The following PTPRD variants were observed in gnomAD, a reference collection of about 807,000 sequenced individuals.
PTPRD encodes the protein protein tyrosine phosphatase receptor type D.
A neutral mutation model predicts 214.5 loss-of-function variants in PTPRD; 34 were observed. The observed-to-expected ratio is 0.16, with a 90% CI of 0.12 to 0.21. The LOEUF (loss-of-function observed/expected upper bound fraction) is 0.21, where lower values mean the gene tolerates loss of function less well. Ranked by LOEUF, PTPRD falls within the 10% of genes least tolerant of loss-of-function variation. The pLI is 1.00. For missense variants in PTPRD, 2,545 were observed against 2,398.7 expected (o/e 1.06, Z -1.27); for synonymous variants, 1,128 against 845.7 (o/e 1.33, Z -5.79).
At chr9:10,101,820 A>C (rs575657166) in intron 3 of PTPRD, among the ~76,000 whole-genome samples, 1 of 151,852 alleles carries the variant, frequency 6.6e-6, no homozygotes, top group African/African-American at 2.4e-5. Context: ...ATTAGAGGCC[A>C]CACATTACAT....
intron 9 of PTPRD, among the ~76,000 whole-genome samples, chr9:9,315,267 G>C (rs1356510136): frequency 2.6e-5 from 4 of 151,760 alleles, no homozygotes; most frequent in Admixed American, 6.6e-5. Flanking sequence ...TCTCGTATTT[G>C]ATATACAGCT....
intron 10 of PTPRD, among the ~76,000 whole-genome samples, chr9:9,086,846 A>C (rs1408049956): frequency 6.6e-6 from 1 of 152,210 alleles, no homozygotes; most frequent in Non-Finnish European, 1.5e-5. Flanking sequence ...GTGAAACAAA[A>C]AAGTTGACCA....
At chr9:9,294,037 C>A (rs898782528) in intron 9 of PTPRD, among the ~76,000 whole-genome samples, 3 of 151,582 alleles carry the variant, frequency 2.0e-5, no homozygotes, top group Non-Finnish European at 4.4e-5. Flanking sequence ...ACCTGTGATA[C>A]TGCCACAGTT....
intron 12 of PTPRD, among the ~76,000 whole-genome samples, chr9:8,686,078 G>C (rs1218599148): frequency 6.6e-6 from 1 of 152,182 alleles, no homozygotes; most frequent in Admixed American, 6.5e-5. Context: ...CTGAAAGCAA[G>C]CAGAAACTAT....
At chr9:9,240,750 G>C in intron 9 of PTPRD, among the ~76,000 whole-genome samples, 1 of 152,048 alleles carries the variant, frequency 6.6e-6, no homozygotes, top group East Asian at 1.9e-4. Flanking sequence ...AAAATTCCTA[G>C]AAGTCTATAC....
chr9:9,543,740 G>A (rs553675820), intron 8 of PTPRD, among the ~76,000 whole-genome samples: 40 of 151,622 alleles, frequency 2.6e-4, no homozygotes, highest in African/African-American at 8.0e-4. Context: ...ATGAATTTTC[G>A]TTCTAGGCTA....
chr9:9,633,613 T>A (rs1265266937), intron 7 of PTPRD, among the ~76,000 whole-genome samples: 1 of 152,174 alleles, frequency 6.6e-6, no homozygotes. Flanking sequence ...CTCCCTCAGC[T>A]CAGTCTGGTT....
At chr9:10,531,211 A>C (rs188023351) in intron 2 of PTPRD, among the ~76,000 whole-genome samples, 2 of 152,246 alleles carry the variant, frequency 1.3e-5, no homozygotes, top group Admixed American at 1.3e-4. Flanking sequence ...CAGTCTCCCA[A>C]ATGGCTGGGA....
At chr9:9,690,826 C>G (rs2097257119) in intron 7 of PTPRD, among the ~76,000 whole-genome samples, 1 of 151,772 alleles carries the variant, frequency 6.6e-6, no homozygotes, top group Non-Finnish European at 1.5e-5. Context: ...GTGTATGTGT[C>G]TTCTTTTATG....
intron 7 of PTPRD, among the ~76,000 whole-genome samples, chr9:9,609,074 C>G (rs2094361967): frequency 6.6e-6 from 1 of 151,996 alleles, no homozygotes. Context: ...ATCTGTGAGT[C>G]TATATTGCTT....
intron 11 of PTPRD, among the ~76,000 whole-genome samples, chr9:8,867,921 C>G: frequency 6.6e-6 from 1 of 152,092 alleles, no homozygotes; most frequent in Non-Finnish European, 1.5e-5. Context: ...TTCTAGATTA[C>G]ATTGTTGTTG....
chr9:10,231,987 A>AGTGTGTGTGTGTGTGTGT (rs1352673296), intron 3 of PTPRD, among the ~76,000 whole-genome samples: 2 of 97,724 alleles, frequency 2.0e-5, no homozygotes, highest in Non-Finnish European at 3.9e-5. Flanking sequence ...AGAGAGAGAG[A>AGTGTGTGTGTGTGTGTGT]GAGTGTGTGT....
chr9:10,144,362 G>T (rs2099008211), intron 3 of PTPRD, among the ~76,000 whole-genome samples: 1 of 152,080 alleles, frequency 6.6e-6, no homozygotes, highest in Non-Finnish European at 1.5e-5. Context: ...AAGGTAAGAT[G>T]AAGAATTGGT....
intron 10 of PTPRD, among the ~76,000 whole-genome samples, chr9:9,180,689 CTTCT>C (rs1299244470): frequency 2.0e-5 from 3 of 152,060 alleles, no homozygotes; most frequent in Non-Finnish European, 4.4e-5. Context: ...GAAAGAATTT[CTTCT>C]TTCTTTCAGG....
Position 8,486,264 on chromosome 9 carries a change from T to A in PTPRD, c.2553A>T (p.Gly851=). The A allele has an allele frequency of 6.2e-7, 1 of 1,614,006 alleles. No individual in the cohort carries two copies. The highest frequency in any genetic ancestry group is 1.7e-5 in the Admixed American group (1 of 59,988). ...ATTTTAGACGGTAGCCCTGAAGAGG[T>A]CCAAATGTGTCCACCGGAGGGTGCC... The part of the protein sequence containing the change: ...IQWHPPVDTF[G]PLQGYRLKFG... Residue 851 remains glycine (G), a synonymous_variant, in exon 28 of 46, where the codon GGA becomes GGT. Transcript: ENST00000381196.
intron 11 of PTPRD, among the ~76,000 whole-genome samples, chr9:8,977,356 A>G (rs1432436609): frequency 6.6e-6 from 1 of 152,086 alleles, no homozygotes; most frequent in Non-Finnish European, 1.5e-5. Context: ...TAAAGTCCTG[A>G]CCTGGGATAT....
chr9:9,967,207 A>C (rs1482830617), intron 4 of PTPRD, among the ~76,000 whole-genome samples: 2 of 152,172 alleles, frequency 1.3e-5, no homozygotes, highest in African/African-American at 2.4e-5. Flanking sequence ...TATCATCAGC[A>C]AATTGTAGAT....
chr9:9,286,762 C>T (rs945980846), intron 9 of PTPRD, among the ~76,000 whole-genome samples: 1 of 149,260 alleles, frequency 6.7e-6, no homozygotes, highest in African/African-American at 2.5e-5. Flanking sequence ...TAATATAGGC[C>T]AGTGTCTCAT....
intron 2 of PTPRD, among the ~76,000 whole-genome samples, chr9:10,476,238 T>C (rs1015234497): frequency 6.6e-6 from 1 of 152,120 alleles, no homozygotes; most frequent in Non-Finnish European, 1.5e-5. Context: ...GAAAACCCCA[T>C]AGTCTCAGCC....
Sources: gnomAD v4.1 joint callset for allele counts (sites outside exome capture counted in the v4.1 genomes callset) on GRCh38, gnomAD v4.1.1 for gene constraint, MANE v1.5 for transcripts, NCBI Gene and HGNC (gene_info 2026-07-23, HGNC 2026-07-21) for gene names.